GRID2: variants seen among roughly 807,000 people sequenced by gnomAD.
GRID2 encodes glutamate receptor ionotropic, delta-2.
A neutral mutation model predicts 114.8 loss-of-function variants in GRID2; 33 were observed. The ratio of observed to expected loss-of-function variants is 0.29; its 90% CI spans 0.22 to 0.38. The LOEUF (loss-of-function observed/expected upper bound fraction) is 0.38. Ranked by LOEUF, GRID2 falls within the 10% of genes least tolerant of loss-of-function variation. GRID2 has a pLI of 1.00. For missense variants in GRID2, 1,184 were observed against 1,257.7 expected (o/e 0.94, Z 0.89); for synonymous variants, 505 against 449.9 (o/e 1.12, Z -1.55).
At chr4:93,247,142 TG>T (rs1419755145) in intron 8 of GRID2, among the ~76,000 whole-genome samples, 2 of 152,114 alleles carry the variant, frequency 1.3e-5, no homozygotes, top group Non-Finnish European at 2.9e-5. Context: ...AGATGACTGA[TG>T]GGGTACAATT....
At chr4:92,600,024 ATGTG>A (rs145357264) in intron 2 of GRID2, among the ~76,000 whole-genome samples, 102 of 79,622 alleles carry the variant, frequency 1.3e-3, no homozygotes, top group African/African-American at 5.3e-3. Flanking sequence ...TACTTCATGT[ATGTG>A]TGTGTGTGTG....
intron 2 of GRID2, among the ~76,000 whole-genome samples, chr4:92,735,567 T>A (rs1202857575): frequency 1.3e-5 from 2 of 152,142 alleles, no homozygotes; most frequent in African/African-American, 2.4e-5. Flanking sequence ...AAGTATAATC[T>A]TCTTTACGTA....
At chr4:92,567,348 C>G (rs1727385826) in intron 1 of GRID2, among the ~76,000 whole-genome samples, 1 of 151,640 alleles carries the variant, frequency 6.6e-6, no homozygotes, top group Non-Finnish European at 1.5e-5. Context: ...AGTGGTTTTT[C>G]TTATTTTTGA....
intron 2 of GRID2, among the ~76,000 whole-genome samples, chr4:92,838,404 T>G (rs1353426460): frequency 6.6e-6 from 1 of 152,080 alleles, no homozygotes; most frequent in East Asian, 1.9e-4. Context: ...AGTCTACACT[T>G]GAGATAATTG....
intron 14 of GRID2, among the ~76,000 whole-genome samples, chr4:93,658,083 GC>G (rs764581123): frequency 1.3e-5 from 2 of 152,068 alleles, no homozygotes; most frequent in Non-Finnish European, 2.9e-5. Context: ...ATTTTCAGAA[GC>G]AAAAAACAAG....
intron 12 of GRID2, 81 bp downstream of exon 12, chr4:93,490,858 G>T (rs1477584432): frequency 5.4e-6 from 5 of 927,652 alleles, no homozygotes; most frequent in Admixed American, 4.2e-5. Context: ...TAAGTATGTG[G>T]TGTCTCATAA....
intron 8 of GRID2, among the ~76,000 whole-genome samples, chr4:93,262,971 G>A (rs888084955): frequency 4.6e-5 from 7 of 151,492 alleles, no homozygotes; most frequent in Non-Finnish European, 8.8e-5. Context: ...GTAACTCCTT[G>A]TTCCACTTAT....
rs143636412 is a variant in GRID2 at position 92,890,386 on chromosome 4, C to T, written c.245-194609C>T. Among the ~76,000 whole-genome samples the T allele has an allele frequency of 8.9e-4, 136 of 152,126 alleles. 1 individual carries two copies. The highest frequency in any genetic ancestry group is 3.1e-3 in the African/African-American group (129 of 41,458). Reference sequence around the variant, plus strand: ...TATCCATCTGACAAAAGTCTAGTATCCAGAATCTACAAGGAACTTAAACAA... The same window carrying T: ...TATCCATCTGACAAAAGTCTAGTATTCAGAATCTACAAGGAACTTAAACAA... On this transcript the variant is annotated intron_variant, in intron 2 of 15. Coordinates refer to ENST00000282020, the MANE Select transcript of GRID2 (RefSeq NM_001510.4).
intron 2 of GRID2, among the ~76,000 whole-genome samples, chr4:92,918,846 C>T (rs1351580242): frequency 6.6e-6 from 1 of 152,148 alleles, no homozygotes; most frequent in Admixed American, 6.6e-5. Context: ...ACTTTGGTAT[C>T]AGGATGATGC....
intron 14 of GRID2, among the ~76,000 whole-genome samples, chr4:93,654,747 T>C (rs1337864608): frequency 6.6e-6 from 1 of 152,126 alleles, no homozygotes; most frequent in Non-Finnish European, 1.5e-5. Flanking sequence ...TTGGAATTTT[T>C]TGAAAATGAT....
chr4:93,653,257 G>A (rs149466906), intron 14 of GRID2, among the ~76,000 whole-genome samples: 2,363 of 152,236 alleles, frequency 0.016, 30 homozygotes, highest in Middle Eastern at 0.041. Flanking sequence ...TCTCCTCCAC[G>A]CTGTCACATT....
chr4:93,504,016 C>G (rs1201220398), intron 12 of GRID2, among the ~76,000 whole-genome samples: 1 of 152,034 alleles, frequency 6.6e-6, no homozygotes, highest in Non-Finnish European at 1.5e-5. Context: ...CTGTGACCTT[C>G]TACCTTACTT....
intron 11 of GRID2, among the ~76,000 whole-genome samples, chr4:93,486,566 A>G (rs1463368818): frequency 6.6e-6 from 1 of 151,682 alleles, no homozygotes. Flanking sequence ...TTGTTTTTCT[A>G]AGACTGGATG....
At chr4:93,770,684 G>T (rs1734038321) in intron 15 of GRID2, among the ~76,000 whole-genome samples, 1 of 152,140 alleles carries the variant, frequency 6.6e-6, no homozygotes, top group Admixed American at 6.6e-5. Flanking sequence ...TATCTCCGTT[G>T]ACATTGATTC....
At chr4:92,927,265 G>A (rs768297526) in intron 2 of GRID2, among the ~76,000 whole-genome samples, 6 of 151,796 alleles carry the variant, frequency 4.0e-5, no homozygotes, top group Non-Finnish European at 8.8e-5. Flanking sequence ...CTTAGTTGTT[G>A]AGGGATCCTG....
intron 4 of GRID2, among the ~76,000 whole-genome samples, chr4:93,131,475 C>G (rs1734795849): frequency 6.6e-6 from 1 of 151,516 alleles, no homozygotes; most frequent in African/African-American, 2.4e-5. Context: ...TTTTTAAAAT[C>G]CAGTCTAATC....
intron 1 of GRID2, among the ~76,000 whole-genome samples, chr4:92,568,637 A>G (rs1438238756): frequency 1.3e-5 from 2 of 151,984 alleles, no homozygotes; most frequent in Non-Finnish European, 2.9e-5. Flanking sequence ...AACTTGTGTC[A>G]TGAGGGTTTG....
intron 4 of GRID2, among the ~76,000 whole-genome samples, chr4:93,140,466 T>C (rs1008316688): frequency 6.6e-6 from 1 of 152,162 alleles, no homozygotes; most frequent in Non-Finnish European, 1.5e-5. Flanking sequence ...CTGGAATCCG[T>C]GTCATTTTTT....
chr4:92,447,173 T>G (rs1227623945), intron 1 of GRID2, among the ~76,000 whole-genome samples: 1 of 152,226 alleles, frequency 6.6e-6, no homozygotes, highest in Non-Finnish European at 1.5e-5. Flanking sequence ...ATAAAATATA[T>G]TCCAGTTTGT....
Sources: allele counts gnomAD v4.1 joint callset (sites outside exome capture counted in the v4.1 genomes callset), GRCh38; gene constraint gnomAD v4.1.1; transcripts MANE v1.5; gene names NCBI Gene and HGNC (gene_info 2026-07-23, HGNC 2026-07-21).